The following ANK2 variants were observed in gnomAD, a reference collection of about 807,000 sequenced individuals.
ANK2 encodes the protein ankyrin-2.
Under a neutral mutation model 360.5 loss-of-function variants are expected in ANK2, and 83 were observed. The observed-to-expected ratio is 0.23, with a 90% CI of 0.19 to 0.28. The LOEUF (loss-of-function observed/expected upper bound fraction) is 0.28. ANK2 is among the 10% of genes least tolerant of loss of function. The pLI is 1.00. For synonymous variants in ANK2, 1,740 were observed against 1,759.5 expected, an observed-to-expected ratio of 0.99 and a Z score of 0.28; for missense variants, 4,201 against 4,795.7, an observed-to-expected ratio of 0.88 and a Z score of 3.66.
At chr4:113,352,191 A>C (rs773771644) in intron 37 of ANK2, among the ~76,000 whole-genome samples, 16 of 152,078 alleles carry the variant, frequency 1.1e-4, no homozygotes, top group Non-Finnish European at 1.9e-4. Flanking sequence ...GCTTACATAA[A>C]CTGTGTGTGT....
chr4:113,018,121 G>GTCAGTCAGTCT (rs757414729), intron 2 of ANK2, among the ~76,000 whole-genome samples: 20 of 152,342 alleles, frequency 1.3e-4, no homozygotes, highest in Non-Finnish European at 2.2e-4. Context: ...AGCTTTAGTC[G>GTCAGTCAGTCT]TCAGTCAGTC....
chr4:113,281,603 T>C (rs2062391388), intron 17 of ANK2, among the ~76,000 whole-genome samples: 1 of 152,184 alleles, frequency 6.6e-6, no homozygotes, highest in South Asian at 2.1e-4. Context: ...TTATGCTCTC[T>C]TTCCCTTCAG....
intron 2 of ANK2, among the ~76,000 whole-genome samples, chr4:112,999,422 CTTACTG>C (rs2049809783): frequency 6.6e-6 from 1 of 152,160 alleles, no homozygotes; most frequent in Non-Finnish European, 1.5e-5. Context: ...GATTAAATCA[CTTACTG>C]ATGATTCCCA....
chr4:113,160,464 CAA>C (rs2097489038), intron 1 of ANK2: 1 of 253,272 alleles, frequency 3.9e-6, no homozygotes. Context: ...GGTTTGAAAC[CAA>C]GTGTTAAAAT....
intron 4 of ANK2, among the ~76,000 whole-genome samples, chr4:113,215,551 T>C (rs1030132437): frequency 6.6e-6 from 1 of 152,158 alleles, no homozygotes; most frequent in African/African-American, 2.4e-5. Context: ...GGAGAAAAGA[T>C]TGTACAGAAG....
intron 29 of ANK2, 103 bp downstream of exon 29, chr4:113,333,311 T>G (rs974216891): frequency 4.2e-5 from 55 of 1,314,588 alleles, no homozygotes; most frequent in Non-Finnish European, 5.2e-5. Flanking sequence ...TGTGTGTGTG[T>G]GTGTGTGTGT....
At chr4:112,721,540 T>C in the ANK2 span, among the ~76,000 whole-genome samples, 2 of 39,408 alleles carry the variant, frequency 5.1e-5, no homozygotes, top group Admixed American at 8.8e-4. Flanking sequence ...AGACCCCATC[T>C]CAAAAAAAAA....
At position 113,354,561 on chromosome 4, in the gene ANK2, A is replaced by T; in HGVS notation, c.5943A>T (p.Thr1981=). 1 of 1,614,166 alleles carries T rather than the reference A, an allele frequency of 6.2e-7. No homozygotes were observed. The highest frequency in any genetic ancestry group is 8.5e-7 in the Non-Finnish European group (1 of 1,180,000). ...KQPPVSPTSK[T]ERIEETMSVR... ...CACCTGTATCCCCCACTTCAAAAAC[A>T]GAGAGGATTGAGGAAACCATGTCTG... The change falls in exon 38 of 46, where the codon ACA becomes ACT. Residue 1981 remains threonine (T), a synonymous_variant. Transcript: ENST00000357077.
At chr4:113,293,634 C>A in intron 22 of ANK2, 96 bp downstream of exon 22, 1 of 1,233,090 alleles carries the variant, frequency 8.1e-7, no homozygotes, top group Non-Finnish European at 1.2e-6. Context: ...ATGTTTGGAG[C>A]TTTTAGTTTT....
At chr4:113,187,964 G>A (rs1260659996) in intron 2 of ANK2, among the ~76,000 whole-genome samples, 1 of 152,130 alleles carries the variant, frequency 6.6e-6, no homozygotes, top group Non-Finnish European at 1.5e-5. Context: ...GTGCTACAGT[G>A]TATGTGTTAC....
At chr4:113,118,302 A>G (rs1475095351) in intron 1 of ANK2, among the ~76,000 whole-genome samples, 1 of 152,218 alleles carries the variant, frequency 6.6e-6, no homozygotes, top group Admixed American at 6.5e-5. Flanking sequence ...TTAGCAGAGC[A>G]TTAAAATAGT....
In ANK2 at chr4:113,326,578, G is replaced by C. The variant is rs1385962652; in HGVS notation, c.2901-3668G>C. 3.4e-5 allele frequency among the ~76,000 whole-genome samples: 5 copies of C among 148,046 alleles called. No homozygotes were observed. In the East Asian group the frequency reaches 9.7e-4, roughly 29 times the overall value. On this transcript the variant is annotated intron_variant, in intron 26 of 45. Coordinates refer to ENST00000357077, the MANE Select transcript of ANK2 (RefSeq NM_001148.6). ...TTTATTTCTTTCTTGACATCTTTCT[G>C]TTTTACTTTCTTCTCTCTCTTCTCT...
intron 2 of ANK2, among the ~76,000 whole-genome samples, chr4:113,034,244 T>C (rs1233857389): frequency 6.6e-6 from 1 of 151,886 alleles, no homozygotes; most frequent in Non-Finnish European, 1.5e-5. Flanking sequence ...GTTCCTTAGA[T>C]TGGCAAAAAA....
chr4:112,726,723 T>C, the ANK2 span, among the ~76,000 whole-genome samples: 4 of 151,518 alleles, frequency 2.6e-5, no homozygotes, highest in South Asian at 6.3e-4. Context: ...TAGTGGTGGG[T>C]GCCTGTAGTC....
In ANK2 at chr4:112,953,710, T is replaced by C. The variant is rs138091942; in HGVS notation, c.21+49196T>C. The stretch of plus-strand genomic sequence containing the variant: ...TTGACTGGCTGTTTCCTGACTCTAC[T>C]CTGGCAGAGGTAGTTCTTTTGCCTT... On this transcript the variant is annotated intron_variant, in intron 2 of 30. Transcript: ENST00000503271. 1.4e-3 allele frequency among the ~76,000 whole-genome samples: 214 copies of C among 152,350 alleles called. 1 individual carries two copies. Among genetic ancestry groups the C allele is most frequent in the African/African-American group, 4.7e-3 (195 of 41,592 alleles).
intron 8 of ANK2, among the ~76,000 whole-genome samples, chr4:113,241,542 A>G (rs905796580): frequency 2.0e-4 from 30 of 152,066 alleles, no homozygotes; most frequent in African/African-American, 7.0e-4. Flanking sequence ...GTCTTACTAT[A>G]TTGCCCAGGC....
upstream of ANK2, among the ~76,000 whole-genome samples, chr4:113,048,276 ATTTTTTTTTTTTTTT>A (rs1165941601): frequency 2.0e-4 from 8 of 39,746 alleles, no homozygotes; most frequent in East Asian, 8.5e-4. Context: ...ATATATATAT[ATTTTTTTTTTTTTTT>A]TTTTTTTTTT....
At chr4:112,967,450 A>G (rs76494372) in intron 2 of ANK2, among the ~76,000 whole-genome samples, 1,586 of 152,292 alleles carry the variant, frequency 0.01, 18 homozygotes, top group South Asian at 0.017. Flanking sequence ...TTTAGTTTAG[A>G]GCTTCAGAAG....
intron 14 of ANK2, among the ~76,000 whole-genome samples, 164 bp from the exon 15 acceptor site, chr4:113,274,288 C>G (rs1035882013): frequency 1.4e-4 from 21 of 152,164 alleles, no homozygotes; most frequent in African/African-American, 4.8e-4. Context: ...AGGGTCACTG[C>G]TGTAGCAAAA....
Sources: gnomAD v4.1 joint callset for allele counts (sites outside exome capture counted in the v4.1 genomes callset) on GRCh38, gnomAD v4.1.1 for gene constraint, MANE v1.5 for transcripts, NCBI Gene and HGNC (gene_info 2026-07-23, HGNC 2026-07-21) for gene names.